Variants in CNBD1 observed in about 807,000 individuals in gnomAD.
CNBD1 encodes cyclic nucleotide binding domain containing 1, also known as cyclic nucleotide-binding domain-containing protein 1.
A neutral mutation model predicts 54.4 loss-of-function variants in CNBD1; 71 were observed. The observed-to-expected ratio is 1.30, with a 90% confidence interval of 1.08 to 1.59. CNBD1 has a LOEUF of 1.59. Among genes scored for constraint, CNBD1 ranks in the 40% most tolerant of loss-of-function variants. The pLI is 0.00. For synonymous variants in CNBD1, 182 were observed against 170.7 expected (o/e 1.07, Z -0.51); for missense variants, 659 against 518.0 (o/e 1.27, Z -2.64).
intron 4 of CNBD1, among the ~76,000 whole-genome samples, chr8:87,073,524 G>A (rs1013612952): frequency 5.3e-5 from 8 of 152,074 alleles, no homozygotes; most frequent in African/African-American, 1.9e-4. Context: ...GTTGTTTTCT[G>A]TTTGTTTTTC....
In CNBD1 at chr8:87,315,871, C is replaced by G. The variant is rs1028146775; in HGVS notation, c.1042+29200C>G. Among the ~76,000 whole-genome samples, 4 of 151,900 alleles carry G rather than the reference C, an allele frequency of 2.6e-5. No homozygotes were observed. The East Asian group carries it at 5.8e-4, about 22-fold the overall frequency. ...GAGAAGATTTGGAATGTTCCAATCA[C>G]AAAAAAGAATAAATGTTTGAGGTGA... On this transcript the variant is annotated intron_variant, in intron 8 of 10. Coordinates refer to ENST00000518476, the MANE Select transcript of CNBD1 (RefSeq NM_173538.3).
chr8:87,216,322 CA>C (rs917617016), intron 5 of CNBD1, among the ~76,000 whole-genome samples: 4 of 152,042 alleles, frequency 2.6e-5, no homozygotes, highest in African/African-American at 7.2e-5. Flanking sequence ...ATGATTTAAA[CA>C]AAGTTAAGTA....
At position 87,256,016 on chromosome 8, in the gene CNBD1, T is replaced by TATATATATATATATATA. The variant is rs1491444638; in HGVS notation, c.771+18904_771+18905insATATATATATATATATA. 1.6e-4 allele frequency among the ~76,000 whole-genome samples: 2 copies of TATATATATATATATATA among 12,142 alleles called. 1 individual carries two copies. The highest frequency in any genetic ancestry group is 2.7e-4 in the Non-Finnish European group (2 of 7,322). The allele number at this position is 12,142 out of a possible 152,430, so 8.0% of individuals were successfully genotyped here. A position where few individuals can be genotyped will look rare whatever the true frequency, so the allele number is the denominator to read the frequency against. On this transcript the variant is annotated intron_variant, in intron 6 of 10. Coordinates refer to ENST00000518476, the MANE Select transcript of CNBD1 (RefSeq NM_173538.3). Reference sequence around the variant, plus strand: ...ATATATATATATATATATATATATATTTTTTTTTTTTTTTTTTTTTTTTTG... The same window carrying TATATATATATATATATA: ...ATATATATATATATATATATATATATATATATATATATATATATTTTTTTTTTTTTTTTTTTTTTTTG...
intron 10 of CNBD1, among the ~76,000 whole-genome samples, chr8:87,372,305 A>G (rs998825174): frequency 6.6e-6 from 1 of 152,034 alleles, no homozygotes. Context: ...TTGATAATTT[A>G]TGATGGGCCC....
intron 10 of CNBD1, among the ~76,000 whole-genome samples, chr8:87,357,863 G>T (rs545844047): frequency 6.6e-6 from 1 of 152,268 alleles, no homozygotes; most frequent in Admixed American, 6.5e-5. Flanking sequence ...TAGAGGTGGG[G>T]ACTGGTGAGG....
chr8:87,288,470 A>G (rs1808734652), intron 8 of CNBD1, among the ~76,000 whole-genome samples: 1 of 152,026 alleles, frequency 6.6e-6, no homozygotes, highest in Admixed American at 6.6e-5. Context: ...CATCATAAAG[A>G]TATTTTAAAT....
At chr8:87,352,661 A>G (rs1300267259) in intron 9 of CNBD1, among the ~76,000 whole-genome samples, 1 of 152,152 alleles carries the variant, frequency 6.6e-6, no homozygotes, top group Non-Finnish European at 1.5e-5. Context: ...TAGGGCCAAA[A>G]TGCCAAACCT....
chr8:87,048,184 C>G (rs1354031660), intron 4 of CNBD1, among the ~76,000 whole-genome samples: 1 of 152,048 alleles, frequency 6.6e-6, no homozygotes, highest in Non-Finnish European at 1.5e-5. Flanking sequence ...ACCAAGTCTT[C>G]TGGGTTAAAT....
At chr8:87,068,195 T>C (rs1280752908) in intron 4 of CNBD1, among the ~76,000 whole-genome samples, 2 of 152,070 alleles carry the variant, frequency 1.3e-5, no homozygotes, top group East Asian at 1.9e-4. Flanking sequence ...TGTAGATGAA[T>C]GTTATCTTAC....
chr8:87,108,274 A>C (rs551247133), intron 4 of CNBD1, among the ~76,000 whole-genome samples: 4 of 152,228 alleles, frequency 2.6e-5, no homozygotes, highest in African/African-American at 9.6e-5. Flanking sequence ...AAATCGTAAT[A>C]CTACAATTTC....
intron 4 of CNBD1, among the ~76,000 whole-genome samples, chr8:87,020,311 A>G (rs552753646): frequency 6.6e-6 from 1 of 151,930 alleles, no homozygotes. Flanking sequence ...CTCCCCCATT[A>G]TTCAAATCAC....
At chr8:86,874,821 C>G (rs935287147) in intron 1 of CNBD1, among the ~76,000 whole-genome samples, 14 of 151,264 alleles carry the variant, frequency 9.3e-5, no homozygotes, top group Non-Finnish European at 1.9e-4. Flanking sequence ...TTGTCTTATC[C>G]CTGGAATCAG....
At chr8:87,003,733 A>T (rs943231575) in intron 4 of CNBD1, among the ~76,000 whole-genome samples, 1 of 152,206 alleles carries the variant, frequency 6.6e-6, no homozygotes, top group African/African-American at 2.4e-5. Context: ...AACAAGAAGG[A>T]CAAAGGGAGA....
rs148822983 is a variant in CNBD1, at chr8:87,102,183, G to A, written c.432-103810G>A. Among the ~76,000 whole-genome samples, 358 of 152,168 alleles carry A rather than the reference G, an allele frequency of 2.4e-3. 3 individuals are homozygous for A. The highest frequency in any genetic ancestry group is 3.2e-3 in the African/African-American group (134 of 41,516). On this transcript the variant is annotated intron_variant, in intron 4 of 10. Transcript: ENST00000518476. ...ATTACAGGTGTGAACCACTTCGTCCGGCCCAGAATTTTTTATGTTGATGGA... is the reference window on the plus strand; with the variant it reads ...ATTACAGGTGTGAACCACTTCGTCCAGCCCAGAATTTTTTATGTTGATGGA...
At chr8:86,898,804 A>G (rs890589883) in intron 2 of CNBD1, among the ~76,000 whole-genome samples, 1 of 152,320 alleles carries the variant, frequency 6.6e-6, no homozygotes, top group Admixed American at 6.5e-5. Context: ...CTGATGAAAG[A>G]TAAAATGATT....
intron 4 of CNBD1, among the ~76,000 whole-genome samples, chr8:86,975,332 T>A (rs1808316925): frequency 6.6e-6 from 1 of 151,992 alleles, no homozygotes; most frequent in African/African-American, 2.4e-5. Context: ...AACCTTCCTG[T>A]CTAATGAAAT....
At chr8:87,245,092 C>T (rs1807778201) in intron 6 of CNBD1, among the ~76,000 whole-genome samples, 1 of 152,148 alleles carries the variant, frequency 6.6e-6, no homozygotes, top group African/African-American at 2.4e-5. Flanking sequence ...ATCATCGAAA[C>T]ATTTAATACA....
At chr8:87,201,357 CATT>C (rs1813858270) in intron 4 of CNBD1, among the ~76,000 whole-genome samples, 1 of 152,084 alleles carries the variant, frequency 6.6e-6, no homozygotes, top group Non-Finnish European at 1.5e-5. Flanking sequence ...TTATATGTAA[CATT>C]ATAGTGAATG....
At chr8:87,235,779 TA>T (rs1362661972) in intron 5 of CNBD1, among the ~76,000 whole-genome samples, 4 of 152,182 alleles carry the variant, frequency 2.6e-5, no homozygotes, top group Non-Finnish European at 1.5e-5. Context: ...ATAGACTTGC[TA>T]GATGCAAAGT....
Sources: gnomAD v4.1 joint callset for allele counts (sites outside exome capture counted in the v4.1 genomes callset) on GRCh38, gnomAD v4.1.1 for gene constraint, MANE v1.5 for transcripts, NCBI Gene and HGNC (gene_info 2026-07-23, HGNC 2026-07-21) for gene names.